MAP7D2: variants seen among roughly 807,000 people sequenced by gnomAD.
The protein encoded by MAP7D2 is MAP7 domain-containing protein 2.
MAP7D2 carries 33 observed loss-of-function variants against 63.5 expected under a neutral mutation model. The ratio of observed to expected loss-of-function variants is 0.52; its 90% CI spans 0.39 to 0.70. MAP7D2 has a LOEUF of 0.70. Among genes scored for constraint, MAP7D2 ranks in the 30% least tolerant of loss-of-function variants. The probability of loss-of-function intolerance (pLI) is 0.00; values close to 1 mark genes in which losing one functional copy is unlikely to be tolerated. For synonymous variants in MAP7D2, 224 were observed against 223.7 expected (o/e 1.00, Z -0.01); for missense variants, 626 against 604.0 (o/e 1.04, Z -0.38).
intron 1 of MAP7D2, among the ~76,000 whole-genome samples, chrX:20,099,147 G>A (rs1012049266): frequency 8.9e-5 from 10 of 111,903 alleles, no homozygotes; most frequent in African/African-American, 2.9e-4. Context: ...TTCAAAGACC[G>A]ACTCCCTTTT....
intron 1 of MAP7D2, among the ~76,000 whole-genome samples, chrX:20,095,259 C>T (rs2066226829): frequency 8.9e-6 from 1 of 111,855 alleles, no homozygotes; most frequent in African/African-American, 3.3e-5. Flanking sequence ...AGGGCCAAGG[C>T]CACACACAGT....
intron 10 of MAP7D2, among the ~76,000 whole-genome samples, chrX:20,021,106 C>CG (rs2073622602): frequency 8.9e-6 from 1 of 112,398 alleles, no homozygotes; most frequent in Admixed American, 9.4e-5. Flanking sequence ...CAGTGCCTTC[C>CG]CCAGGGTGGA....
At chrX:20,019,619 G>A (rs1432221959) in intron 10 of MAP7D2, among the ~76,000 whole-genome samples, 5 of 111,995 alleles carry the variant, frequency 4.5e-5, no homozygotes, top group South Asian at 3.7e-4. Context: ...TCTGAGGGAC[G>A]AGTATGTGGG....
intron 1 of MAP7D2, among the ~76,000 whole-genome samples, chrX:20,096,653 T>C (rs1187355061): frequency 1.8e-5 from 2 of 110,278 alleles, no homozygotes; most frequent in African/African-American, 6.6e-5. Context: ...AGTGGGTATA[T>C]GTTGTATTTG....
chrX:20,107,572 C>T (rs1046256503), intron 1 of MAP7D2, among the ~76,000 whole-genome samples: 2 of 106,787 alleles, frequency 1.9e-5, no homozygotes, highest in Non-Finnish European at 3.8e-5. Context: ...CTCTGTTTCC[C>T]GCCCCCCCCA....
intron 4 of MAP7D2, chrX:20,055,747 G>A (rs759924752): frequency 9.1e-6 from 9 of 991,278 alleles, no homozygotes; most frequent in Non-Finnish European, 1.2e-5. Context: ...TGGTGGACTC[G>A]GCAGCTGCGG....
chrX:20,075,053 A>AAAAC (rs761754766), intron 1 of MAP7D2, among the ~76,000 whole-genome samples: 53 of 111,907 alleles, frequency 4.7e-4, no homozygotes, highest in African/African-American at 7.1e-4. Flanking sequence ...ACTCCATCTC[A>AAAAC]AAACAAACAA....
chrX:20,106,678 T>C (rs1335932925), intron 1 of MAP7D2, among the ~76,000 whole-genome samples: 1 of 112,218 alleles, frequency 8.9e-6, no homozygotes, highest in Non-Finnish European at 1.9e-5. Context: ...AAGTGTAAAA[T>C]AGACATGGAA....
At chrX:20,030,949 A>G (rs1267847025) in intron 8 of MAP7D2, among the ~76,000 whole-genome samples, 4 of 112,058 alleles carry the variant, frequency 3.6e-5, no homozygotes, top group African/African-American at 1.3e-4. Flanking sequence ...CGTCAGGCCT[A>G]TCCAAACTGA....
chrX:20,100,935 C>T (rs1049882012), intron 1 of MAP7D2, among the ~76,000 whole-genome samples: 1 of 108,891 alleles, frequency 9.2e-6, no homozygotes, highest in Admixed American at 9.8e-5. Flanking sequence ...GCAGGAGAAT[C>T]GCTTGATCCC....
intron 1 of MAP7D2, among the ~76,000 whole-genome samples, chrX:20,113,867 C>T (rs1569162519): frequency 9.0e-6 from 1 of 111,691 alleles, no homozygotes; most frequent in East Asian, 2.8e-4. Flanking sequence ...TTTAAATGAA[C>T]AATTAAATTA....
intron 10 of MAP7D2, among the ~76,000 whole-genome samples, chrX:20,019,034 T>C (rs902620401): frequency 9.1e-5 from 10 of 110,122 alleles, no homozygotes; most frequent in African/African-American, 3.0e-4. Flanking sequence ...CCTTTTTTTT[T>C]TTTCTTTGTA....
chrX:20,011,911 A>T (rs1436254271), intron 15 of MAP7D2, among the ~76,000 whole-genome samples: 1 of 112,514 alleles, frequency 8.9e-6, no homozygotes, highest in East Asian at 2.8e-4. Flanking sequence ...GTCACCAGGA[A>T]TCTCTTAACA....
At chrX:20,014,015 C>G (rs752438300) in intron 12 of MAP7D2, among the ~76,000 whole-genome samples, 4 of 111,981 alleles carry the variant, frequency 3.6e-5, no homozygotes, top group Admixed American at 9.5e-5. Flanking sequence ...CTCCTGGATC[C>G]CAGGCCTACA....
intron 3 of MAP7D2, among the ~76,000 whole-genome samples, chrX:20,060,326 A>G (rs182760835): frequency 7.7e-4 from 84 of 109,462 alleles, no homozygotes; most frequent in South Asian, 4.3e-3. Flanking sequence ...GGCCCATTAC[A>G]TGTGTTCTGG....
At chrX:20,075,527 G>C (rs1372885283) in intron 1 of MAP7D2, among the ~76,000 whole-genome samples, 1 of 110,998 alleles carries the variant, frequency 9.0e-6, no homozygotes, top group Non-Finnish European at 1.9e-5. Context: ...TTTCTGGGGA[G>C]AGTTCTGACT....
intron 1 of MAP7D2, among the ~76,000 whole-genome samples, chrX:20,069,627 G>C (rs1465211278): frequency 9.0e-6 from 1 of 110,552 alleles, no homozygotes; most frequent in African/African-American, 3.3e-5. Context: ...GGGTGGGAGG[G>C]AAGTGGATGT....
chrX:20,043,180 C>A (rs1031392688), intron 7 of MAP7D2, among the ~76,000 whole-genome samples: 2 of 111,837 alleles, frequency 1.8e-5, no homozygotes, highest in African/African-American at 6.5e-5. Context: ...CCTCAATTGG[C>A]CCCCACACTC....
intron 1 of MAP7D2, among the ~76,000 whole-genome samples, chrX:20,088,468 GTTTTTTTTTTTTTT>G (rs779366726): frequency 2.4e-4 from 10 of 41,074 alleles, no homozygotes; most frequent in African/African-American, 3.6e-4. Flanking sequence ...CTAATTTTCA[GTTTTTTTTTTTTTT>G]TTTTTTTTTT....
Sources: allele counts gnomAD v4.1 joint callset (sites outside exome capture counted in the v4.1 genomes callset), GRCh38; gene constraint gnomAD v4.1.1; transcripts MANE v1.5; gene names NCBI Gene and HGNC (gene_info 2026-07-23, HGNC 2026-07-21).